The following SLC8A1 variants were observed in gnomAD, a reference collection of about 807,000 sequenced individuals.
SLC8A1 encodes solute carrier family 8 member A1.
In SLC8A1, 18 loss-of-function variants were observed where a neutral mutation model predicts 68.3. That is an observed-to-expected ratio of 0.26 (90% CI 0.18 to 0.39). SLC8A1 has a LOEUF of 0.39. Among genes scored for constraint, SLC8A1 ranks in the 10% least tolerant of loss-of-function variants. The probability of loss-of-function intolerance (pLI) is 1.00; values close to 1 mark genes in which losing one functional copy is unlikely to be tolerated. For missense variants in SLC8A1, 985 were observed against 1,156.7 expected, an observed-to-expected ratio of 0.85 and a Z score of 2.15; for synonymous variants, 475 against 415.5, an observed-to-expected ratio of 1.14 and a Z score of -1.74.
chr2:40,343,129 A>T (rs1272911429), intron 2 of SLC8A1, among the ~76,000 whole-genome samples: 1 of 152,156 alleles, frequency 6.6e-6, no homozygotes, highest in Non-Finnish European at 1.5e-5. Context: ...TATATGATTC[A>T]ATGTAAAACT....
chr2:40,098,751 C>T (rs2125017417), exon 8 of SLC8A1: 1 of 152,102 alleles, frequency 6.6e-6, no homozygotes, highest in Non-Finnish European at 1.5e-5. Flanking sequence ...CTGTGTACTA[C>T]ATTGGCTTAA....
intron 2 of SLC8A1, among the ~76,000 whole-genome samples, chr2:40,247,487 T>G (rs1404728856): frequency 6.6e-6 from 1 of 152,050 alleles, no homozygotes; most frequent in African/African-American, 2.4e-5. Context: ...AGGCATGGGT[T>G]TTACTAATGT....
chr2:40,142,399 A>C (rs574957802), intron 6 of SLC8A1, among the ~76,000 whole-genome samples: 1 of 152,298 alleles, frequency 6.6e-6, no homozygotes, highest in East Asian at 1.9e-4. Context: ...GAGAAAAAGC[A>C]CTAGGTTTTC....
At chr2:40,180,290 A>G (rs2049251435) in intron 2 of SLC8A1, among the ~76,000 whole-genome samples, 3 of 152,204 alleles carry the variant, frequency 2.0e-5, no homozygotes, top group Admixed American at 2.0e-4. Context: ...TTTCCCTAAT[A>G]TCCAAAAATT....
chr2:40,342,690 C>T (rs1668078373), intron 2 of SLC8A1, among the ~76,000 whole-genome samples: 1 of 152,100 alleles, frequency 6.6e-6, no homozygotes, highest in South Asian at 2.1e-4. Flanking sequence ...TTGGAATATA[C>T]ACTATTGCAA....
At chr2:40,226,382 T>C (rs915414870) in intron 2 of SLC8A1, among the ~76,000 whole-genome samples, 2 of 152,144 alleles carry the variant, frequency 1.3e-5, no homozygotes, top group Admixed American at 6.5e-5. Flanking sequence ...AGGGTAGGCA[T>C]TGTGGTCCGT....
rs988622447 is a variant in SLC8A1 at position 40,440,316 on chromosome 2, G to T, written c.-24-10012C>A. Among the ~76,000 whole-genome samples, 8 of 152,220 alleles carry T rather than the reference G, an allele frequency of 5.3e-5. No individual in the cohort carries two copies. In the South Asian group the frequency reaches 1.7e-3, roughly 32 times the overall value. On this transcript the variant is annotated intron_variant, in intron 1 of 7. Coordinates refer to ENST00000406785, the Ensembl canonical transcript of SLC8A1. ...TGTGAATTTATCTATCACAAAGGTG[G>T]TCCTAAAAGGAGCCATTGAAAAAGG...
intron 7 of SLC8A1, among the ~76,000 whole-genome samples, chr2:40,126,876 C>T (rs1195992668): frequency 6.6e-6 from 1 of 152,166 alleles, no homozygotes; most frequent in Non-Finnish European, 1.5e-5. Context: ...TTATCCCCCA[C>T]CTCCGCCATG....
At chr2:40,282,159 G>A (rs1038865262) in intron 2 of SLC8A1, among the ~76,000 whole-genome samples, 21 of 151,844 alleles carry the variant, frequency 1.4e-4, no homozygotes, top group Non-Finnish European at 1.5e-5. Flanking sequence ...TTTCTTCTAG[G>A]ACATGTATGT....
intron 2 of SLC8A1, among the ~76,000 whole-genome samples, chr2:40,335,868 CAG>C (rs1665808595): frequency 6.6e-6 from 1 of 152,184 alleles, no homozygotes; most frequent in South Asian, 2.1e-4. Context: ...ATGAGCCTAT[CAG>C]AGAAATTCAA....
chr2:40,412,577 G>T (rs1443002061), intron 2 of SLC8A1, among the ~76,000 whole-genome samples: 1 of 152,136 alleles, frequency 6.6e-6, no homozygotes, highest in African/African-American at 2.4e-5. Context: ...GATTCAGATT[G>T]TTTCCTTGCT....
chr2:40,383,310 T>G (rs904857529), intron 2 of SLC8A1, among the ~76,000 whole-genome samples: 1 of 152,102 alleles, frequency 6.6e-6, no homozygotes, highest in African/African-American at 2.4e-5. Context: ...TTGATATATG[T>G]TTTTTGTCCT....
At chr2:40,273,365 T>G (rs1252566699) in intron 2 of SLC8A1, among the ~76,000 whole-genome samples, 1 of 152,112 alleles carries the variant, frequency 6.6e-6, no homozygotes, top group African/African-American at 2.4e-5. Context: ...AGCGCTGGGA[T>G]TACAGGCACT....
chr2:40,372,803 T>C (rs1430510265), intron 2 of SLC8A1, among the ~76,000 whole-genome samples: 4 of 152,112 alleles, frequency 2.6e-5, no homozygotes, highest in African/African-American at 7.2e-5. Flanking sequence ...ATTTTGTTGT[T>C]TGACTCACGT....
intron 2 of SLC8A1, among the ~76,000 whole-genome samples, chr2:40,350,481 C>T (rs1398736604): frequency 6.7e-6 from 1 of 149,288 alleles, no homozygotes; most frequent in African/African-American, 2.5e-5. Flanking sequence ...ACTCTGTCCC[C>T]CTAAAAAAAT....
chr2:40,320,022 T>A (rs769955573), intron 2 of SLC8A1, among the ~76,000 whole-genome samples: 5 of 152,104 alleles, frequency 3.3e-5, no homozygotes, highest in Non-Finnish European at 7.4e-5. Flanking sequence ...AATAGAATGA[T>A]GGTCAAATGC....
At chr2:40,439,380 T>C (rs1045465505) in intron 1 of SLC8A1, among the ~76,000 whole-genome samples, 2 of 152,068 alleles carry the variant, frequency 1.3e-5, no homozygotes, top group Non-Finnish European at 2.9e-5. Context: ...CAAAATGAAG[T>C]ACTGGGTGGT....
At position 40,132,797 on chromosome 2, in the gene SLC8A1, A is replaced by C. The variant is rs553220923; in HGVS notation, c.2437+6604T>G. ...TTGAAAGGAGGCAAAATCAGTTCAC[A>C]TCACTTAATGACATAACCTAAGTAA... On this transcript the variant is annotated intron_variant, in intron 7 of 7. Coordinates refer to ENST00000406785, the Ensembl canonical transcript of SLC8A1. Among the ~76,000 whole-genome samples, 22 of 152,340 alleles carry C rather than the reference A, an allele frequency of 1.4e-4. 1 individual carries two copies. Among genetic ancestry groups the C allele is most frequent in the Admixed American group, 1.4e-3 (22 of 15,306 alleles).
At chr2:40,369,875 AC>A (rs1677472289) in intron 2 of SLC8A1, among the ~76,000 whole-genome samples, 2 of 74,056 alleles carry the variant, frequency 2.7e-5, no homozygotes, top group African/African-American at 2.6e-4. Context: ...AAGAAAAAAA[AC>A]CAAAAAAATA....
Sources: gnomAD v4.1 joint callset for allele counts (sites outside exome capture counted in the v4.1 genomes callset) on GRCh38, gnomAD v4.1.1 for gene constraint, MANE v1.5 for transcripts, NCBI Gene and HGNC (gene_info 2026-07-23, HGNC 2026-07-21) for gene names.